The following KCNK1 variants were observed in gnomAD, a reference collection of about 807,000 sequenced individuals.
KCNK1 encodes potassium channel subfamily K member 1.
Under a neutral mutation model 22.2 loss-of-function variants are expected in KCNK1, and 10 were observed. The ratio of observed to expected loss-of-function variants is 0.45; its 90% confidence interval spans 0.28 to 0.76. KCNK1 has a LOEUF of 0.76. KCNK1 is among the 30% of genes least tolerant of loss of function. The pLI is 0.14. For missense variants in KCNK1, 378 were observed against 421.0 expected (o/e 0.90, Z 0.89); for synonymous variants, 200 against 186.4 (o/e 1.07, Z -0.60).
chr1:233,669,373 T>A (rs1210236076), intron 2 of KCNK1, among the ~76,000 whole-genome samples: 2 of 152,212 alleles, frequency 1.3e-5, no homozygotes, highest in Non-Finnish European at 2.9e-5. Context: ...CTTCTTACAA[T>A]GTGGATCATT....
chr1:233,655,608 C>G (rs778113640), intron 1 of KCNK1: 1 of 152,084 alleles, frequency 6.6e-6, no homozygotes, highest in Non-Finnish European at 1.5e-5. Context: ...GGAGGTAGAG[C>G]CTTTGGGAGG....
rs1343384202 is a variant in KCNK1 at position 233,669,737 on chromosome 1, A to G, written c.752-1534A>G. Among the ~76,000 whole-genome samples, 4 of 152,182 alleles carry G rather than the reference A, an allele frequency of 2.6e-5. No individual in the cohort carries two copies. The South Asian group carries it at 6.2e-4, about 24-fold the overall frequency. ...CTTGAACCTGGGAGGCGGAGGTTGCAGTAAGCCAACATCATGCCACTGTAC... is the reference window on the plus strand; with the variant it reads ...CTTGAACCTGGGAGGCGGAGGTTGCGGTAAGCCAACATCATGCCACTGTAC... On this transcript the variant is annotated intron_variant, in intron 2 of 2. Coordinates refer to ENST00000366621, the MANE Select transcript of KCNK1 (RefSeq NM_002245.4).
At chr1:233,670,127 T>C (rs540303289) in intron 2 of KCNK1, among the ~76,000 whole-genome samples, 1 of 152,352 alleles carries the variant, frequency 6.6e-6, no homozygotes, top group African/African-American at 2.4e-5. Context: ...GATTTTTTTT[T>C]CTGAAAACTC....
intron 1 of KCNK1, among the ~76,000 whole-genome samples, chr1:233,623,028 G>A (rs116759866): frequency 5.9e-4 from 90 of 152,190 alleles, no homozygotes; most frequent in African/African-American, 2.1e-3. Context: ...AGAGAGAGTC[G>A]GTGAAATCAT....
intron 1 of KCNK1, among the ~76,000 whole-genome samples, chr1:233,653,053 T>A (rs1658227546): frequency 6.6e-6 from 1 of 152,218 alleles, no homozygotes; most frequent in Non-Finnish European, 1.5e-5. Flanking sequence ...GGCTTTCACC[T>A]TCTGAGCCAC....
chr1:233,614,448 C>A lies in KCNK1; in HGVS notation c.277C>A (p.Leu93Ile), dbSNP rs1214239682. The change falls in exon 1 of 3, where the codon CTC becomes ATC. Residue 93 changes from leucine to isoleucine, a missense_variant. By Grantham distance (5) the Leu-to-Ile change is conservative (BLOSUM62 2). Coordinates refer to ENST00000366621, the MANE Select transcript of KCNK1 (RefSeq NM_002245.4). ...LEASNYGVSV[L>I]SNASGNWNWD... Reference sequence around the variant, plus strand: ...GGCCAGCAACTACGGCGTGTCGGTGCTCAGCAACGCCTCGGGCAACTGGAA... The same window carrying A: ...GGCCAGCAACTACGGCGTGTCGGTGATCAGCAACGCCTCGGGCAACTGGAA... 6.2e-7 allele frequency: 1 copy of A among 1,613,256 alleles called. No individual in the cohort carries two copies. Among genetic ancestry groups the A allele is most frequent in the Non-Finnish European group, 8.5e-7 (1 of 1,179,790 alleles).
intron 1 of KCNK1, among the ~76,000 whole-genome samples, chr1:233,658,858 C>G (rs1658344422): frequency 6.6e-6 from 1 of 152,112 alleles, no homozygotes; most frequent in African/African-American, 2.4e-5. Flanking sequence ...ATGGGGCTTG[C>G]AGGAATTGAA....
At chr1:233,669,698 T>A (rs972632206) in intron 2 of KCNK1, among the ~76,000 whole-genome samples, 1 of 152,036 alleles carries the variant, frequency 6.6e-6, no homozygotes, top group Non-Finnish European at 1.5e-5. Flanking sequence ...AATACAAAAA[T>A]TAGCTGAAAA....
Position 233,619,173 on chromosome 1 carries a change from G to A in KCNK1, c.355+4647G>A, listed in dbSNP as rs569229096. Among the ~76,000 whole-genome samples the A allele has an allele frequency of 7.2e-5, 11 of 152,000 alleles. No homozygotes were observed. The East Asian group carries it at 1.8e-3, about 24-fold the overall frequency. On this transcript the variant is annotated intron_variant, in intron 1 of 2. Transcript: ENST00000366621. ...GCTGGGACTACAGGCGCACACCACCGCACCTGGCCAATTTTTTTTTCATTT... is the reference window on the plus strand; with the variant it reads ...GCTGGGACTACAGGCGCACACCACCACACCTGGCCAATTTTTTTTTCATTT...
intron 1 of KCNK1, among the ~76,000 whole-genome samples, chr1:233,636,061 G>T (rs1006128137): frequency 6.6e-6 from 1 of 152,170 alleles, no homozygotes; most frequent in Non-Finnish European, 1.5e-5. Context: ...ACCTAGTATC[G>T]AGCTAAGAGG....
chr1:233,634,104 G>C (rs1317740533), intron 1 of KCNK1, among the ~76,000 whole-genome samples: 1 of 151,978 alleles, frequency 6.6e-6, no homozygotes. Context: ...TCAGGAGTTT[G>C]AGACCAGCCT....
intron 1 of KCNK1, chr1:233,631,421 T>C (rs774525623): frequency 2.2e-4 from 92 of 414,216 alleles, no homozygotes; most frequent in Non-Finnish European, 5.1e-5. Context: ...AGCTCAACGG[T>C]TATCAGCTCA....
chr1:233,648,591 G>A (rs1189974597), intron 1 of KCNK1, among the ~76,000 whole-genome samples: 1 of 150,998 alleles, frequency 6.6e-6, no homozygotes, highest in African/African-American at 2.4e-5. Flanking sequence ...TTGAGACAGA[G>A]TCTCACTCTG....
intron 1 of KCNK1, among the ~76,000 whole-genome samples, chr1:233,647,768 G>T (rs1477300747): frequency 6.6e-6 from 1 of 152,118 alleles, no homozygotes; most frequent in African/African-American, 2.4e-5. Flanking sequence ...GCGTTTTCTG[G>T]AGCACTGCAC....
intron 1 of KCNK1, among the ~76,000 whole-genome samples, chr1:233,637,106 G>T (rs1156865666): frequency 6.7e-6 from 1 of 148,652 alleles, no homozygotes; most frequent in East Asian, 2.0e-4. Flanking sequence ...TGAGGCAGGA[G>T]AATGGCGTGA....
intron 1 of KCNK1, among the ~76,000 whole-genome samples, chr1:233,622,567 T>C (rs1189311888): frequency 6.6e-6 from 1 of 152,204 alleles, no homozygotes; most frequent in Non-Finnish European, 1.5e-5. Context: ...TTATTTTTTG[T>C]TCAATCCCCA....
chr1:233,619,454 T>A (rs1480994956), intron 1 of KCNK1, among the ~76,000 whole-genome samples: 1 of 152,178 alleles, frequency 6.6e-6, no homozygotes, highest in Non-Finnish European at 1.5e-5. Flanking sequence ...GTACAGTGGC[T>A]TTTGATTAAG....
At chr1:233,669,395 A>G (rs530987088) in intron 2 of KCNK1, among the ~76,000 whole-genome samples, 83 of 152,340 alleles carry the variant, frequency 5.4e-4, no homozygotes, top group Non-Finnish European at 8.8e-4. Context: ...TTTAAAAAGC[A>G]ATCTACATAG....
intron 1 of KCNK1, among the ~76,000 whole-genome samples, chr1:233,640,605 TTAAG>T (rs1199838559): frequency 1.3e-5 from 2 of 152,252 alleles, no homozygotes; most frequent in Non-Finnish European, 1.5e-5. Context: ...TTTTAATCTC[TTAAG>T]TAAGTACTCC....
Sources: allele counts gnomAD v4.1 joint callset (sites outside exome capture counted in the v4.1 genomes callset), GRCh38; gene constraint gnomAD v4.1.1; transcripts MANE v1.5; gene names NCBI Gene and HGNC (gene_info 2026-07-23, HGNC 2026-07-21).